The following RUNX1 variants were observed in gnomAD, a reference collection of about 807,000 sequenced individuals.
RUNX1 encodes the protein RUNX family transcription factor 1.
Under a neutral mutation model 42.8 loss-of-function variants are expected in RUNX1, and 19 were observed. That is an observed-to-expected ratio of 0.44 (90% CI 0.31 to 0.65). The LOEUF is 0.65. Ranked by LOEUF, RUNX1 falls within the 30% of genes least tolerant of loss-of-function variation. RUNX1 has a pLI of 0.07. For missense variants in RUNX1, 528 were observed against 672.0 expected, an observed-to-expected ratio of 0.79 and a Z score of 2.37; for synonymous variants, 271 against 289.4, an observed-to-expected ratio of 0.94 and a Z score of 0.64.
chr21:34,836,844 C>A (rs901924737), intron 6 of RUNX1, among the ~76,000 whole-genome samples: 4 of 152,208 alleles, frequency 2.6e-5, no homozygotes, highest in Non-Finnish European at 4.4e-5. Context: ...GTAGAGTCTA[C>A]AGCCACAGCT....
intron 2 of RUNX1, among the ~76,000 whole-genome samples, chr21:34,918,046 T>A (rs1569103896): frequency 6.8e-6 from 1 of 147,346 alleles, no homozygotes. Flanking sequence ...GATAATTGAT[T>A]GAATCCGGGA....
chr21:34,870,102 C>A (rs1310775028), intron 5 of RUNX1, among the ~76,000 whole-genome samples: 1 of 152,102 alleles, frequency 6.6e-6, no homozygotes, highest in Non-Finnish European at 1.5e-5. Context: ...GACCACAGAA[C>A]CGTATGGGGC....
intron 6 of RUNX1, among the ~76,000 whole-genome samples, chr21:34,850,666 C>T (rs1027982361): frequency 2.6e-5 from 4 of 152,234 alleles, no homozygotes; most frequent in Non-Finnish European, 4.4e-5. Context: ...CCATTTCACC[C>T]GTTAGTGACT....
chr21:34,843,193 TAC>T lies in RUNX1; in HGVS notation c.614-8594_614-8593del, dbSNP rs2057266447. Among the ~76,000 whole-genome samples the T allele has an allele frequency of 6.6e-6, 1 of 151,144 alleles. No homozygotes were observed. The highest frequency in any genetic ancestry group is 2.4e-5 in the African/African-American group (1 of 41,020). ...ATGTAAACACATACAGACACACACATACACAGACACCTGGACACACACACAGA... is the reference window on the plus strand; with the variant it reads ...ATGTAAACACATACAGACACACACATACAGACACCTGGACACACACACAGA... On this transcript the variant is annotated intron_variant, in intron 6 of 8. Transcript: ENST00000675419. The surrounding 1 kb of genome is among the most constrained non-coding windows in gnomAD (Gnocchi z 4.8).
intron 2 of RUNX1, among the ~76,000 whole-genome samples, chr21:34,970,337 T>A (rs555995326): frequency 2.0e-5 from 3 of 152,360 alleles, no homozygotes; most frequent in African/African-American, 7.2e-5. Context: ...CCATTAAGGG[T>A]GGCGAAATCA....
chr21:34,855,162 C>T (rs2057478299), intron 6 of RUNX1, among the ~76,000 whole-genome samples: 1 of 152,128 alleles, frequency 6.6e-6, no homozygotes, highest in Non-Finnish European at 1.5e-5. Context: ...CCAATCCATA[C>T]CACCAGGACC....
intron 2 of RUNX1, chr21:35,038,518 A>C: frequency 2.2e-6 from 1 of 455,554 alleles, no homozygotes; most frequent in Non-Finnish European, 4.4e-6. Flanking sequence ...AATTCAGTAC[A>C]TCCTGGGGAG....
chr21:34,831,803 C>G (rs1455141379), intron 7 of RUNX1, among the ~76,000 whole-genome samples: 1 of 152,134 alleles, frequency 6.6e-6, no homozygotes, highest in East Asian at 1.9e-4. Context: ...CTTGGCTGAA[C>G]AAGACTTGCA....
intron 2 of RUNX1, among the ~76,000 whole-genome samples, chr21:35,016,618 A>C (rs2059160710): frequency 6.6e-6 from 1 of 152,130 alleles, no homozygotes; most frequent in South Asian, 2.1e-4. Context: ...CTTCTGCCTG[A>C]GGGGACAGAA....
chr21:35,008,277 G>T (rs943037382), intron 2 of RUNX1, among the ~76,000 whole-genome samples: 10 of 152,324 alleles, frequency 6.6e-5, no homozygotes, highest in Admixed American at 6.5e-4. Flanking sequence ...CATATTAGGG[G>T]AATGTATGTG....
At chr21:35,013,430 G>C (rs1601672699) in intron 2 of RUNX1, among the ~76,000 whole-genome samples, 1 of 152,196 alleles carries the variant, frequency 6.6e-6, no homozygotes, top group East Asian at 1.9e-4. Context: ...CTGCAGACAG[G>C]AAGAAATGGC....
At position 34,851,149 on chromosome 21, in the gene RUNX1, G is replaced by A. The variant is rs79869314; in HGVS notation, c.613+8325C>T. ...TACATGTTGGTGGCAGAGAAGGCAG[G>A]GCAGCCACTTACAGCCAGAGAATTT... On this transcript the variant is annotated intron_variant, in intron 6 of 8. Transcript: ENST00000675419. Among the ~76,000 whole-genome samples, 53 of 152,300 alleles carry A rather than the reference G, an allele frequency of 3.5e-4. 2 individuals are homozygous for A. The East Asian group carries it at 0.01, about 29-fold the overall frequency.
intron 7 of RUNX1, 113 bp downstream of exon 7, chr21:34,834,297 A>G: frequency 9.0e-7 from 1 of 1,111,236 alleles, no homozygotes. Flanking sequence ...CCTTTCTCTG[A>G]GCATCAAGGG....
Position 34,847,334 on chromosome 21 carries a change from G to T in RUNX1, c.613+12140C>A, listed in dbSNP as rs1003615417. The stretch of plus-strand genomic sequence containing the variant: ...TTCTAAAAGTATGGATTCACAGTGG[G>T]GTCTGATTTAAATGTTTAAATTTTT... On this transcript the variant is annotated intron_variant, in intron 6 of 8. Transcript: ENST00000675419. 2.6e-5 allele frequency among the ~76,000 whole-genome samples: 4 copies of T among 151,672 alleles called. No homozygotes were observed. In the South Asian group the frequency reaches 8.3e-4, roughly 32 times the overall value.
chr21:34,894,880 AACACACACACACAC>A lies in RUNX1; in HGVS notation c.59-1931_59-1918del, dbSNP rs57230115. On this transcript the variant is annotated intron_variant, in intron 2 of 8. Coordinates refer to ENST00000675419, the MANE Select transcript of RUNX1 (RefSeq NM_001754.5). ...TCACATCACTCTTGACCTACATAGAAACACACACACACACACACACACACACACACACACACACA... is the reference window on the plus strand; with the variant it reads ...TCACATCACTCTTGACCTACATAGAAACACACACACACACACACACACACA... Among the ~76,000 whole-genome samples, 1,138 of 127,956 alleles carry A rather than the reference AACACACACACACAC, an allele frequency of 8.9e-3. 49 individuals are homozygous for A. The highest frequency in any genetic ancestry group is 0.077 in the Admixed American group (988 of 12,884). 83.9% of individuals were successfully genotyped at this position (127,956 alleles called of 152,430 possible).
intron 5 of RUNX1, among the ~76,000 whole-genome samples, chr21:34,874,610 CAAAAAAAAA>C (rs59950735): frequency 1.2e-4 from 3 of 25,296 alleles, no homozygotes; most frequent in Non-Finnish European, 1.9e-4. Context: ...AACTCTGTCT[CAAAAAAAAA>C]AAAAAAAAAA....
chr21:34,811,943 A>G (rs2056763933), intron 7 of RUNX1, among the ~76,000 whole-genome samples: 2 of 152,108 alleles, frequency 1.3e-5, no homozygotes, highest in African/African-American at 4.8e-5. Context: ...GCACAGAAAT[A>G]GCCTCCAAGA....
In RUNX1 at chr21:34,790,557, C is replaced by A. The variant is rs1374619370; in HGVS notation, c.*1578G>T. 8.6e-6 allele frequency: 2 copies of A among 233,324 alleles called. No individual in the cohort carries two copies. 14.5% of individuals were successfully genotyped at this position (233,324 alleles called of 1,614,324 possible). ...TAAAATTTACAGCGACATTGGATACCTTTGAATTGTAGCCACGGACAGTAG... is the reference window on the plus strand; with the variant it reads ...TAAAATTTACAGCGACATTGGATACATTTGAATTGTAGCCACGGACAGTAG... On this transcript the variant is annotated 3_prime_UTR_variant, in exon 9 of 9. Transcript: ENST00000675419.
At chr21:34,959,120 CA>C (rs1245120034) in intron 2 of RUNX1, among the ~76,000 whole-genome samples, 7 of 151,430 alleles carry the variant, frequency 4.6e-5, no homozygotes, top group Non-Finnish European at 1.0e-4. Flanking sequence ...TTAATGGGTG[CA>C]GCACACCAGC....
Sources: allele counts gnomAD v4.1 joint callset (sites outside exome capture counted in the v4.1 genomes callset), GRCh38; gene constraint gnomAD v4.1.1; non-coding constraint Gnocchi (gnomAD v3.1); transcripts MANE v1.5; gene names NCBI Gene and HGNC (gene_info 2026-07-23, HGNC 2026-07-21).